Variants in ATXN1 observed in about 807,000 individuals in gnomAD.
ATXN1 encodes ataxin 1, also known as ataxin-1.
ATXN1 carries 8 observed loss-of-function variants against 56.4 expected under a neutral mutation model. That is an observed-to-expected ratio of 0.14 (90% CI 0.08 to 0.26). The LOEUF is 0.26. Ranked by LOEUF, ATXN1 falls within the 10% of genes least tolerant of loss-of-function variation. The pLI, the probability that ATXN1 is intolerant of heterozygous loss-of-function variation, is 1.00. For missense variants in ATXN1, 987 were observed against 1,106.5 expected, an observed-to-expected ratio of 0.89 and a Z score of 1.53; for synonymous variants, 514 against 494.6, an observed-to-expected ratio of 1.04 and a Z score of -0.52.
intron 6 of ATXN1, among the ~76,000 whole-genome samples, chr6:16,413,167 A>G (rs948584301): frequency 3.3e-5 from 5 of 152,138 alleles, no homozygotes; most frequent in Non-Finnish European, 2.9e-5. Flanking sequence ...TCCTCACACA[A>G]CCCTACAAAG....
intron 6 of ATXN1, among the ~76,000 whole-genome samples, chr6:16,351,712 G>C (rs1024637066): frequency 6.6e-6 from 1 of 152,102 alleles, no homozygotes; most frequent in Admixed American, 6.6e-5. Flanking sequence ...CCATTCTTGA[G>C]TATGCTGGAT....
At chr6:16,380,824 A>G (rs2113505483) in intron 6 of ATXN1, among the ~76,000 whole-genome samples, 1 of 152,296 alleles carries the variant, frequency 6.6e-6, no homozygotes, top group Admixed American at 6.5e-5. Flanking sequence ...ACTGGCAGGC[A>G]TTGTTATGGG....
chr6:16,731,391 T>TA lies in ATXN1; in HGVS notation c.-615+21841dup, dbSNP rs560303142. Among the ~76,000 whole-genome samples, 556 of 122,726 alleles carry TA rather than the reference T, an allele frequency of 4.5e-3. 4 individuals carry two copies. Among genetic ancestry groups the TA allele is most frequent in the Non-Finnish European group, 6.4e-3 (381 of 59,572 alleles). 80.5% of individuals were successfully genotyped at this position (122,726 alleles called of 152,430 possible). On this transcript the variant is annotated intron_variant, in intron 2 of 7. Coordinates refer to ENST00000436367, the MANE Select transcript of ATXN1 (RefSeq NM_001128164.2). ...AGAAATGAGGGCATCAGAGTCGTCA[T>TA]AAAAAAAAATCACAAGCATGTGCAG... is the stretch of plus-strand genomic sequence containing the variant.
At chr6:16,712,939 G>C (rs1759558256) in intron 2 of ATXN1, among the ~76,000 whole-genome samples, 1 of 152,144 alleles carries the variant, frequency 6.6e-6, no homozygotes, top group Non-Finnish European at 1.5e-5. Context: ...GAGTATCCTA[G>C]TTCACTGAAG....
At chr6:16,709,025 C>CAAA (rs34066790) in intron 2 of ATXN1, among the ~76,000 whole-genome samples, 1 of 120,994 alleles carries the variant, frequency 8.3e-6, no homozygotes, top group African/African-American at 3.2e-5. Context: ...AACTCTGTCT[C>CAAA]AAAAAAAAAA....
intron 4 of ATXN1, among the ~76,000 whole-genome samples, chr6:16,526,327 T>C (rs952871843): frequency 6.6e-6 from 1 of 152,102 alleles, no homozygotes; most frequent in African/African-American, 2.4e-5. Context: ...TTCTTTTTCT[T>C]CTACATTTTT....
chr6:16,639,278 C>T (rs1298560241), intron 3 of ATXN1, among the ~76,000 whole-genome samples: 6 of 152,170 alleles, frequency 3.9e-5, no homozygotes, highest in Admixed American at 3.9e-4. Flanking sequence ...CTCTTTGGGT[C>T]CCTACCATCT....
At chr6:16,347,029 A>T (rs927169570) in intron 6 of ATXN1, among the ~76,000 whole-genome samples, 3 of 152,240 alleles carry the variant, frequency 2.0e-5, no homozygotes, top group Non-Finnish European at 2.9e-5. Flanking sequence ...CAGTTGGGCC[A>T]GCAGCCGCTG....
In ATXN1 at chr6:16,506,316, T is replaced by A. The variant is rs1760981714; in HGVS notation, c.-299+16311A>T. 1.3e-5 allele frequency among the ~76,000 whole-genome samples: 2 copies of A among 152,190 alleles called. No homozygotes were observed. Among genetic ancestry groups the A allele is most frequent in the Admixed American group, 1.3e-4 (2 of 15,278 alleles). ...CAATGAGTCAAATGAAGAAAGTGGT[T>A]TAAGGGAAATGGTCATTTTCTAATG... is the stretch of plus-strand genomic sequence containing the variant. On this transcript the variant is annotated intron_variant, in intron 5 of 7. Coordinates refer to ENST00000436367, the MANE Select transcript of ATXN1 (RefSeq NM_001128164.2). This position sits in a 1 kb window ranked among gnomAD's most constrained non-coding sequence, Gnocchi z 4.1.
rs1760900299 is a variant in ATXN1 at position 16,328,391 on chromosome 6, T to A, written c.-81A>T. On this transcript the variant is annotated 5_prime_UTR_variant, in exon 7 of 8. Transcript: ENST00000436367. The surrounding 1 kb of genome is among the most constrained non-coding windows in gnomAD (Gnocchi z 6.2). Reference sequence around the variant, plus strand: ...TAGTCTGATAAACGGAAAGTCACATTTGATTTCTGTAGGGGATCCAGGCTC... The same window carrying A: ...TAGTCTGATAAACGGAAAGTCACATATGATTTCTGTAGGGGATCCAGGCTC... 1.4e-6 allele frequency: 2 copies of A among 1,413,056 alleles called. No homozygotes were observed. The highest frequency in any genetic ancestry group is 1.8e-6 in the Non-Finnish European group (2 of 1,087,322). The allele number at this position is 1,413,056 out of a possible 1,614,324, so 87.5% of individuals were successfully genotyped here. A position where few individuals can be genotyped will look rare whatever the true frequency, so the allele number is the denominator to read the frequency against.
At chr6:16,400,950 T>C (rs1195140156) in intron 6 of ATXN1, among the ~76,000 whole-genome samples, 1 of 151,950 alleles carries the variant, frequency 6.6e-6, no homozygotes, top group African/African-American at 2.4e-5. Flanking sequence ...ATAGTAAATG[T>C]ACCATAATAT....
chr6:16,387,933 A>C (rs1336464066), intron 6 of ATXN1, among the ~76,000 whole-genome samples: 2 of 152,208 alleles, frequency 1.3e-5, no homozygotes, highest in Non-Finnish European at 2.9e-5. Context: ...ATACTTTTTA[A>C]AACTCCCAAT....
intron 6 of ATXN1, among the ~76,000 whole-genome samples, chr6:16,347,232 G>A (rs867045445): frequency 8.5e-5 from 13 of 152,358 alleles, no homozygotes; most frequent in Middle Eastern, 3.4e-3. Flanking sequence ...GCGGGCGCAC[G>A]GCACTGGCAG....
At chr6:16,647,525 C>T (rs1460931816) in intron 3 of ATXN1, among the ~76,000 whole-genome samples, 1 of 152,130 alleles carries the variant, frequency 6.6e-6, no homozygotes. Flanking sequence ...TCAGTTGTCT[C>T]AGGGCTAGAT....
At chr6:16,556,173 G>A (rs113552502) in intron 4 of ATXN1, among the ~76,000 whole-genome samples, 267 of 152,148 alleles carry the variant, frequency 1.8e-3, no homozygotes, top group African/African-American at 5.9e-3. Context: ...CATTTTGGTT[G>A]ACAATTAGTG....
chr6:16,600,166 C>A (rs1762888112), intron 3 of ATXN1, among the ~76,000 whole-genome samples: 1 of 152,184 alleles, frequency 6.6e-6, no homozygotes, highest in Non-Finnish European at 1.5e-5. Flanking sequence ...CTTTCCCTAG[C>A]CCCCAGTATA....
intron 6 of ATXN1, among the ~76,000 whole-genome samples, chr6:16,417,859 A>G (rs888288486): frequency 2.6e-5 from 4 of 152,100 alleles, no homozygotes; most frequent in Non-Finnish European, 5.9e-5. Context: ...AAAGAAGGCT[A>G]AATATAAAGG....
At chr6:16,435,122 A>G (rs1233758836) in intron 6 of ATXN1, among the ~76,000 whole-genome samples, 1 of 152,204 alleles carries the variant, frequency 6.6e-6, no homozygotes, top group African/African-American at 2.4e-5. Flanking sequence ...GATGATGCCA[A>G]TGGCTGAGAT....
intron 2 of ATXN1, chr6:16,738,254 G>A (rs1760205083): frequency 6.6e-6 from 1 of 152,184 alleles, no homozygotes; most frequent in Non-Finnish European, 1.5e-5. Flanking sequence ...AGTAGAAATG[G>A]AGAATAAAAA....
Sources: gnomAD v4.1 joint callset for allele counts (sites outside exome capture counted in the v4.1 genomes callset) on GRCh38, gnomAD v4.1.1 for gene constraint, Gnocchi (gnomAD v3.1) non-coding constraint, MANE v1.5 for transcripts, NCBI Gene and HGNC (gene_info 2026-07-23, HGNC 2026-07-21) for gene names.